The following NR4A3 variants were observed in gnomAD, a reference collection of about 807,000 sequenced individuals.
NR4A3 encodes nuclear receptor subfamily 4 group A member 3, also known as chondrosarcoma, extraskeletal myxoid, fused to EWS.
Under a neutral mutation model 55.6 loss-of-function variants are expected in NR4A3, and 13 were observed. The observed-to-expected ratio is 0.23, with a 90% CI of 0.15 to 0.37. The LOEUF (loss-of-function observed/expected upper bound fraction) is 0.37, where lower values mean the gene tolerates loss of function less well. NR4A3 is among the 10% of genes least tolerant of loss of function. The pLI, the probability that NR4A3 is intolerant of heterozygous loss-of-function variation, is 1.00. For missense variants in NR4A3, 646 were observed against 822.8 expected (o/e 0.79, Z 2.63); for synonymous variants, 342 against 357.9 (o/e 0.96, Z 0.50).
At chr9:99,862,549 C>CAAAAAAAAAAAAAAAAAAAAAAAAAAAA (rs59274273) in intron 7 of NR4A3, among the ~76,000 whole-genome samples, 16 of 72,814 alleles carry the variant, frequency 2.2e-4, no homozygotes, top group Admixed American at 3.7e-4. Flanking sequence ...GACTCTGTCT[C>CAAAAAAAAAAAAAAAAAAAAAAAAAAAA]AAAAAAAAAA....
Position 99,828,391 on chromosome 9 carries a change from A to C in NR4A3, c.349A>C (p.Ile117Leu). 6.3e-7 allele frequency: 1 copy of C among 1,591,924 alleles called. No individual in the cohort carries two copies. The highest frequency in any genetic ancestry group is 8.6e-7 in the Non-Finnish European group (1 of 1,168,976). ...HHQQQHQQPS[I>L]PPASSPEDEV... ...CCAGCAGCAGCATCAGCAGCCATCC[A>C]TTCCTCCAGCCTCCAGCCCGGAGGA... Residue 117 changes from isoleucine to leucine, a missense_variant, in exon 3 of 8, where the codon ATT (isoleucine) becomes CTT (leucine). By Grantham distance (5) the Ile-to-Leu change is conservative. Around this residue, in one of 5 missense-constraint regions of NR4A3, gnomAD observed 426 missense variants for 429.4 expected, o/e 0.99. Coordinates refer to ENST00000395097, the MANE Select transcript of NR4A3 (RefSeq NM_006981.4). The surrounding 1 kb of genome is among the most constrained non-coding windows in gnomAD (Gnocchi z 7.7).
chr9:99,857,755 CAAATAAAT>C (rs71370972), intron 7 of NR4A3, among the ~76,000 whole-genome samples: 115 of 141,366 alleles, frequency 8.1e-4, no homozygotes, highest in South Asian at 3.3e-3. Flanking sequence ...CTCTGTCTCA[CAAATAAAT>C]AAATAAATAA....
chr9:99,835,259 A>G (rs1827538373), intron 5 of NR4A3, among the ~76,000 whole-genome samples: 1 of 152,248 alleles, frequency 6.6e-6, no homozygotes, highest in South Asian at 2.1e-4. Context: ...GATAAGTATT[A>G]TGATCTCTAT....
rs543926678 is a variant in NR4A3, at chr9:99,848,350, T to A, written c.1633+735T>A. Among the ~76,000 whole-genome samples the A allele has an allele frequency of 3.9e-5, 6 of 152,312 alleles. No individual in the cohort carries two copies. The South Asian group carries it at 1.0e-3, about 26-fold the overall frequency. On this transcript the variant is annotated intron_variant, in intron 7 of 7. Transcript: ENST00000395097. ...TTTATTTTTATTTTTAAAATTTTAT[T>A]ATCATTATTTTTGAGATGGAGTCTC... is the stretch of plus-strand genomic sequence containing the variant.
chr9:99,847,746 T>C (rs1198841053), intron 7 of NR4A3, 131 bp downstream of exon 7: 7 of 810,766 alleles, frequency 8.6e-6, no homozygotes, highest in African/African-American at 5.2e-5. Flanking sequence ...ATCTGTTAAG[T>C]TTAACCTAGT....
Position 99,864,782 on chromosome 9 carries a change from T to C in NR4A3, c.*915T>C. The C allele has an allele frequency of 4.5e-6, 1 of 223,596 alleles. No homozygotes were observed. The allele number at this position is 223,596 out of a possible 1,614,324, so 13.9% of individuals were successfully genotyped here. A position where few individuals can be genotyped will look rare whatever the true frequency, so the allele number is the denominator to read the frequency against. The stretch of plus-strand genomic sequence containing the variant: ...CCCACCAGAGTTCCCTAAACTTGCT[T>C]CAGTTATAGTAACTGACTGGTATAT... On this transcript the variant is annotated 3_prime_UTR_variant, in exon 8 of 8. Transcript: ENST00000395097.
At position 99,866,645 on chromosome 9, in the gene NR4A3, G is replaced by A. The variant is rs1675201883; in HGVS notation, c.*2778G>A. The stretch of plus-strand genomic sequence containing the variant: ...GAAGAGAACAACATGTATTAAAGCA[G>A]GTGATTCCTCCCCTTGGCGGGAGAG... On this transcript the variant is annotated 3_prime_UTR_variant, in exon 8 of 8. Transcript: ENST00000395097. The A allele has an allele frequency of 4.4e-6, 1 of 226,306 alleles. No homozygotes were observed. The highest frequency in any genetic ancestry group is 8.8e-6 in the Non-Finnish European group (1 of 113,430). 14.0% of individuals were successfully genotyped at this position (226,306 alleles called of 1,614,324 possible). A position where few individuals can be genotyped will look rare whatever the true frequency, so the allele number is the denominator to read the frequency against.
chr9:99,856,466 G>T (rs1189752554), intron 7 of NR4A3, among the ~76,000 whole-genome samples: 1 of 152,184 alleles, frequency 6.6e-6, no homozygotes. Flanking sequence ...TTGCTTGCCT[G>T]CCGCTCACCT....
At chr9:99,858,111 A>G (rs532123163) in intron 7 of NR4A3, among the ~76,000 whole-genome samples, 15 of 152,332 alleles carry the variant, frequency 9.8e-5, no homozygotes, top group Non-Finnish European at 2.2e-4. Context: ...AAAAAATCAC[A>G]TAACTATCTG....
intron 7 of NR4A3, among the ~76,000 whole-genome samples, chr9:99,852,931 T>C (rs1312190716): frequency 6.6e-6 from 1 of 152,164 alleles, no homozygotes; most frequent in Non-Finnish European, 1.5e-5. Context: ...ATCAGCTACA[T>C]TGCAAGGAAA....
At chr9:99,830,014 G>A (rs1827408890) in intron 3 of NR4A3, among the ~76,000 whole-genome samples, 1 of 152,216 alleles carries the variant, frequency 6.6e-6, no homozygotes, top group African/African-American at 2.4e-5. Flanking sequence ...ACCTTTTGCT[G>A]TTGACTCCCA....
chr9:99,828,414 G>A lies in NR4A3; in HGVS notation c.372G>A (p.Glu124=). The stretch of plus-strand genomic sequence containing the variant: ...CCATTCCTCCAGCCTCCAGCCCGGA[G>A]GACGAGGTGCTGCCCAGCACCTCCA... ...QPSIPPASSP[E]DEVLPSTSMY... Residue 124 remains glutamate, a synonymous_variant, in exon 3 of 8, where the codon GAG becomes GAA. Coordinates refer to ENST00000395097, the MANE Select transcript of NR4A3 (RefSeq NM_006981.4). This position sits in a 1 kb window ranked among gnomAD's most constrained non-coding sequence, Gnocchi z 7.7. The A allele has an allele frequency of 6.3e-7, 1 of 1,585,528 alleles. No individual in the cohort carries two copies. Among genetic ancestry groups the A allele is most frequent in the South Asian group, 1.2e-5 (1 of 85,036 alleles).
Position 99,864,692 on chromosome 9 carries a change from A to G in NR4A3, c.*825A>G, listed in dbSNP as rs896445016. The G allele has an allele frequency of 4.4e-6, 1 of 227,022 alleles. No homozygotes were observed. Among genetic ancestry groups the G allele is most frequent in the Non-Finnish European group, 8.8e-6 (1 of 113,904 alleles). 14.1% of individuals were successfully genotyped at this position (227,022 alleles called of 1,614,324 possible). Reference sequence around the variant, plus strand: ...AGATCCCTGCCCTGACTGTCCAGCTATCCTGAAAGTGGATCAGATTATAAA... The same window carrying G: ...AGATCCCTGCCCTGACTGTCCAGCTGTCCTGAAAGTGGATCAGATTATAAA... On this transcript the variant is annotated 3_prime_UTR_variant, in exon 8 of 8. Coordinates refer to ENST00000395097, the MANE Select transcript of NR4A3 (RefSeq NM_006981.4).
intron 7 of NR4A3, among the ~76,000 whole-genome samples, chr9:99,849,427 C>G (rs1433575566): frequency 6.6e-6 from 1 of 151,896 alleles, no homozygotes; most frequent in Non-Finnish European, 1.5e-5. Context: ...AAGGCAGTCT[C>G]AAAGAGTATG....
In NR4A3 at chr9:99,863,606, C is replaced by G. The variant is rs1828045215; in HGVS notation, c.1634-14C>G. ...TGCCTCCTAAACTTCTTGCCCTTCTCTATCCCTCTGCAGAAAGACATGGGT... is the reference window on the plus strand; with the variant it reads ...TGCCTCCTAAACTTCTTGCCCTTCTGTATCCCTCTGCAGAAAGACATGGGT... On this transcript the variant is annotated splice_polypyrimidine_tract_variant and intron_variant, in intron 7 of 7. Coordinates refer to ENST00000395097, the MANE Select transcript of NR4A3 (RefSeq NM_006981.4). 2 of 1,610,568 alleles carry G rather than the reference C, an allele frequency of 1.2e-6. No individual in the cohort carries two copies. The highest frequency in any genetic ancestry group is 1.3e-5 in the African/African-American group (1 of 74,652).
Position 99,822,994 on chromosome 9 carries a change from A to T in NR4A3, c.-177+587A>T, listed in dbSNP as rs1827212719. On this transcript the variant is annotated intron_variant, in intron 1 of 7. Coordinates refer to ENST00000395097, the MANE Select transcript of NR4A3 (RefSeq NM_006981.4). This position sits in a 1 kb window ranked among gnomAD's most constrained non-coding sequence, Gnocchi z 4.9. ...TCAGGAAAGAGGGCGTAATTGTAGGAATGTGGCTTATTGTATTGAAATGAG... is the reference window on the plus strand; with the variant it reads ...TCAGGAAAGAGGGCGTAATTGTAGGTATGTGGCTTATTGTATTGAAATGAG... Among the ~76,000 whole-genome samples the T allele has an allele frequency of 6.6e-6, 1 of 152,084 alleles. No individual in the cohort carries two copies. Among genetic ancestry groups the T allele is most frequent in the Admixed American group, 6.5e-5 (1 of 15,280 alleles).
chr9:99,837,801 A>G (rs1827587397), intron 5 of NR4A3, among the ~76,000 whole-genome samples: 1 of 152,200 alleles, frequency 6.6e-6, no homozygotes, highest in Non-Finnish European at 1.5e-5. Flanking sequence ...AGGTCAATAG[A>G]GAAAGGAGGA....
In NR4A3 at chr9:99,865,732, C is replaced by T. The variant is rs562515409; in HGVS notation, c.*1865C>T. The T allele has an allele frequency of 9.7e-6, 2 of 206,402 alleles. No individual in the cohort carries two copies. The highest frequency in any genetic ancestry group is 3.8e-4 in the South Asian group (2 of 5,302). 12.8% of individuals were successfully genotyped at this position (206,402 alleles called of 1,614,324 possible). A position where few individuals can be genotyped will look rare whatever the true frequency, so the allele number is the denominator to read the frequency against. On this transcript the variant is annotated 3_prime_UTR_variant, in exon 8 of 8. Coordinates refer to ENST00000395097, the MANE Select transcript of NR4A3 (RefSeq NM_006981.4). The surrounding 1 kb of genome is among the most constrained non-coding windows in gnomAD (Gnocchi z 4.3). ...TGCCAAATGAATTGCCTAATTGCTG[C>T]AAAGTATAACCCAGATAGGAAATCA...
chr9:99,845,455 T>C (rs1019676845), intron 6 of NR4A3, among the ~76,000 whole-genome samples: 1 of 152,218 alleles, frequency 6.6e-6, no homozygotes, highest in African/African-American at 2.4e-5. Flanking sequence ...TAAGCTCCTC[T>C]AGTAAGTTCC....
Sources: gnomAD v4.1 joint callset for allele counts (sites outside exome capture counted in the v4.1 genomes callset) on GRCh38, gnomAD v4.1.1 for gene constraint, gnomAD v4.1.1 regional missense constraint, Gnocchi (gnomAD v3.1) non-coding constraint, MANE v1.5 for transcripts, NCBI Gene and HGNC (gene_info 2026-07-23, HGNC 2026-07-21) for gene names.